RB1: variants seen among roughly 807,000 people sequenced by gnomAD.
RB1 encodes retinoblastoma-associated protein.
In RB1, 18 loss-of-function variants were observed where a neutral mutation model predicts 135.4. That is an observed-to-expected ratio of 0.13 (90% CI 0.09 to 0.20). The LOEUF (loss-of-function observed/expected upper bound fraction) is 0.20, where lower values mean the gene tolerates loss of function less well. Among genes scored for constraint, RB1 ranks in the 10% least tolerant of loss-of-function variants. The pLI is 1.00. For missense variants in RB1, 868 were observed against 1,110.0 expected (o/e 0.78, Z 3.10); for synonymous variants, 365 against 373.2 (o/e 0.98, Z 0.25).
chr13:48,405,949 TC>T (rs1440438613), intron 17 of RB1, among the ~76,000 whole-genome samples: 1 of 152,208 alleles, frequency 6.6e-6, no homozygotes, highest in Non-Finnish European at 1.5e-5. Context: ...TCATTCCATA[TC>T]AATTTATAGA....
intron 2 of RB1, among the ~76,000 whole-genome samples, chr13:48,327,197 T>G (rs1342992319): frequency 1.3e-5 from 2 of 151,174 alleles, no homozygotes; most frequent in African/African-American, 4.8e-5. Context: ...TTTTTTTTGG[T>G]GTTTATACCT....
intron 2 of RB1, among the ~76,000 whole-genome samples, chr13:48,322,713 G>A (rs918927735): frequency 1.3e-5 from 2 of 152,078 alleles, no homozygotes; most frequent in Non-Finnish European, 2.9e-5. Context: ...CTAGGGTGTT[G>A]AGTGTTTTGT....
At chr13:48,372,670 A>G (rs765550230) in intron 11 of RB1, among the ~76,000 whole-genome samples, 33 of 151,952 alleles carry the variant, frequency 2.2e-4, no homozygotes, top group Non-Finnish European at 4.7e-4. Flanking sequence ...AAAGAAAAAG[A>G]AAAGAAAGAT....
chr13:48,384,963 TAG>T (rs1312347631), intron 17 of RB1, among the ~76,000 whole-genome samples: 5 of 152,206 alleles, frequency 3.3e-5, no homozygotes, highest in African/African-American at 1.2e-4. Flanking sequence ...ACCTAAGGGT[TAG>T]ATGAAATGAC....
At chr13:48,423,279 G>GTTTTT (rs1158670749) in intron 17 of RB1, among the ~76,000 whole-genome samples, 1 of 151,964 alleles carries the variant, frequency 6.6e-6, no homozygotes, top group Admixed American at 6.6e-5. Flanking sequence ...TTTTGTTTTT[G>GTTTTT]TTTTTGTGTT....
chr13:48,367,249 C>T (rs1295113109), intron 9 of RB1, among the ~76,000 whole-genome samples: 1 of 150,582 alleles, frequency 6.6e-6, no homozygotes, highest in Non-Finnish European at 1.5e-5. Flanking sequence ...CTATCTTTGT[C>T]TACATAAAAT....
chr13:48,394,058 A>T (rs886082753), intron 17 of RB1, among the ~76,000 whole-genome samples: 2 of 152,194 alleles, frequency 1.3e-5, no homozygotes, highest in African/African-American at 4.8e-5. Flanking sequence ...TACCTGGCTC[A>T]TCTCATTGGG....
chr13:48,422,182 C>T (rs1949016308), intron 17 of RB1, among the ~76,000 whole-genome samples: 1 of 152,166 alleles, frequency 6.6e-6, no homozygotes, highest in Admixed American at 6.5e-5. Flanking sequence ...GAATACTATG[C>T]AGCCATGAAC....
In RB1 at chr13:48,370,157, A is replaced by G. The variant is rs561780135; in HGVS notation, c.1127+1553A>G. On this transcript the variant is annotated intron_variant, in intron 11 of 26. Transcript: ENST00000267163. ...CATGCAAAGGCCTGTGTCACAGGAT[A>G]AAGATTTTAGGGAGTGGGAACAGCA... is the stretch of plus-strand genomic sequence containing the variant. Among the ~76,000 whole-genome samples the G allele has an allele frequency of 1.7e-4, 26 of 152,326 alleles. No homozygotes were observed. In the South Asian group the frequency reaches 4.3e-3, roughly 25 times the overall value.
rs760327640 is a variant in RB1, at chr13:48,411,635, GCA to G, written c.1695+30193_1695+30194del. On this transcript the variant is annotated intron_variant, in intron 17 of 26. Transcript: ENST00000267163. ...TTGTCCTTACTGCTGCCACTACTGA[GCA>G]ATTAACAAATGTTTGTGTTCTCACA... 3.1e-6 allele frequency: 5 copies of G among 1,611,672 alleles called. No individual in the cohort carries two copies. Among genetic ancestry groups the G allele is most frequent in the Non-Finnish European group, 4.2e-6 (5 of 1,178,008 alleles).
chr13:48,326,969 A>C (rs1952292886), intron 2 of RB1, among the ~76,000 whole-genome samples: 1 of 152,122 alleles, frequency 6.6e-6, no homozygotes, highest in African/African-American at 2.4e-5. Flanking sequence ...TTGAAGATGC[A>C]TTTTCTTTCC....
intron 12 of RB1, among the ~76,000 whole-genome samples, chr13:48,376,215 A>G (rs1952820435): frequency 6.6e-6 from 1 of 152,050 alleles, no homozygotes; most frequent in Non-Finnish European, 1.5e-5. Context: ...AAAATTAGGA[A>G]ATGGTCCGGG....
chr13:48,367,541 A>C lies in RB1; in HGVS notation c.987A>C (p.Lys329Asn). The change falls in exon 10 of 27, where the codon AAA becomes AAC. Residue 329 changes from lysine (K) to asparagine (N), a missense_variant. Lys to Asn is a moderately conservative substitution (Grantham distance 94). Transcript: ENST00000267163. ...ACGAAGAAATTTATCTTAAAAATAA[A>C]GATCTAGATGCAAGATTATTTTTGG... ...KRYEEIYLKN[K>N]DLDARLFLDH... The C allele has an allele frequency of 6.2e-7, 1 of 1,604,866 alleles. No individual in the cohort carries two copies. The highest frequency in any genetic ancestry group is 1.1e-5 in the South Asian group (1 of 90,902).
In RB1 at chr13:48,372,080, A is replaced by G. The variant is rs4151517; in HGVS notation, c.1128-1325A>G. ...ATGGTCCATGGAAAAATTGTCTTCC[A>G]TGAAACCAGTCCCTGTTGCCAAAAA... On this transcript the variant is annotated intron_variant, in intron 11 of 26. Coordinates refer to ENST00000267163, the MANE Select transcript of RB1 (RefSeq NM_000321.3). Among the ~76,000 whole-genome samples the G allele has an allele frequency of 1.9e-3, 284 of 152,292 alleles. 2 individuals carry two copies. The highest frequency in any genetic ancestry group is 4.0e-3 in the African/African-American group (166 of 41,552).
chr13:48,318,307 T>C lies in RB1; in HGVS notation c.264+10901T>C, dbSNP rs1952203606. The C allele has an allele frequency of 6.5e-6, 8 of 1,226,438 alleles. No individual in the cohort carries two copies. The South Asian group carries it at 1.3e-4, about 20-fold the overall frequency. 76.0% of individuals were successfully genotyped at this position (1,226,438 alleles called of 1,614,324 possible). Reference sequence around the variant, plus strand: ...CCGCCCAGCTGCTCCAGGAAGTGCATCTGGGCAGTGCTGAACCTGACCTTC... The same window carrying C: ...CCGCCCAGCTGCTCCAGGAAGTGCACCTGGGCAGTGCTGAACCTGACCTTC... On this transcript the variant is annotated intron_variant, in intron 2 of 26. Transcript: ENST00000267163.
chr13:48,367,479 C>CT lies in RB1; in HGVS notation c.940-9dup. On this transcript the variant is annotated splice_polypyrimidine_tract_variant and intron_variant, in intron 9 of 26. Coordinates refer to ENST00000267163, the MANE Select transcript of RB1 (RefSeq NM_000321.3). ...ACATGTAAAGGATAATTGTCAGTGACTTTTTTCTTTCAAGGTTGAAAATCT... is the reference window on the plus strand; with the variant it reads ...ACATGTAAAGGATAATTGTCAGTGACTTTTTTTCTTTCAAGGTTGAAAATCT... The CT allele has an allele frequency of 1.3e-6, 2 of 1,598,256 alleles. No homozygotes were observed. Among genetic ancestry groups the CT allele is most frequent in the Non-Finnish European group, 8.5e-7 (1 of 1,170,816 alleles).
At chr13:48,428,696 G>A (rs575720593) in intron 17 of RB1, among the ~76,000 whole-genome samples, 38 of 152,182 alleles carry the variant, frequency 2.5e-4, no homozygotes, top group Non-Finnish European at 4.3e-4. Context: ...AAAATCGTAT[G>A]ATGACCATCC....
intron 2 of RB1, among the ~76,000 whole-genome samples, chr13:48,327,182 A>ATT (rs35106396): frequency 9.8e-4 from 147 of 149,342 alleles, no homozygotes; most frequent in Middle Eastern, 3.4e-3. Context: ...ACAATGTTAA[A>ATT]TTTTTTTTTT....
chr13:48,368,415 A>T lies in RB1; in HGVS notation c.1050-112A>T, dbSNP rs141324027. On this transcript the variant is annotated intron_variant, in intron 10 of 26. Coordinates refer to ENST00000267163, the MANE Select transcript of RB1 (RefSeq NM_000321.3). ...TTTCTATCCTATCTATTATTGAGTT[A>T]TCATTTTATATGATTTTATGAGACA... 3.7e-4 allele frequency: 513 copies of T among 1,382,946 alleles called. 2 individuals carry two copies. In the African/African-American group the frequency reaches 6.6e-3, roughly 18 times the overall value. The allele number at this position is 1,382,946 out of a possible 1,614,324, so 85.7% of individuals were successfully genotyped here. A position where few individuals can be genotyped will look rare whatever the true frequency, so the allele number is the denominator to read the frequency against.
Sources: allele counts gnomAD v4.1 joint callset (sites outside exome capture counted in the v4.1 genomes callset), GRCh38; gene constraint gnomAD v4.1.1; transcripts MANE v1.5; gene names NCBI Gene and HGNC (gene_info 2026-07-23, HGNC 2026-07-21).